Variants in ANKRD26 observed in about 807,000 individuals in gnomAD.
The protein encoded by ANKRD26 is ankyrin repeat domain 26.
Under a neutral mutation model 208.7 loss-of-function variants are expected in ANKRD26, and 141 were observed. That is an observed-to-expected ratio of 0.68 (90% CI 0.59 to 0.78). The LOEUF (loss-of-function observed/expected upper bound fraction) is 0.78. Among genes scored for constraint, ANKRD26 ranks in the 30% least tolerant of loss-of-function variants. ANKRD26 has a pLI of 0.00. For missense variants in ANKRD26, 1,889 were observed against 1,938.7 expected, an observed-to-expected ratio of 0.97 and a Z score of 0.48; for synonymous variants, 636 against 660.4, an observed-to-expected ratio of 0.96 and a Z score of 0.57.
chr10:26,951,005 TTTC>T, the ANKRD26 span, among the ~76,000 whole-genome samples: 6 of 112,448 alleles, frequency 5.3e-5, no homozygotes, highest in Non-Finnish European at 1.2e-4. Context: ...TCTTTTTTCT[TTTC>T]TTTTCTTTTT....
chr10:26,975,979 G>A (rs908384174), exon 6 of ANKRD26, among the ~76,000 whole-genome samples: 2 of 151,982 alleles, frequency 1.3e-5, no homozygotes, highest in Non-Finnish European at 2.9e-5. Flanking sequence ...CTGGAAAATT[G>A]CATCCTATTC....
At chr10:27,098,796 G>A (rs1168729139) in intron 1 of ANKRD26, among the ~76,000 whole-genome samples, 1 of 152,084 alleles carries the variant, frequency 6.6e-6, no homozygotes, top group East Asian at 1.9e-4. Flanking sequence ...TGATCCGCCC[G>A]CCTCGGCCTC....
chr10:27,061,557 CTA>C (rs1564402064), intron 12 of ANKRD26, among the ~76,000 whole-genome samples: 1 of 107,850 alleles, frequency 9.3e-6, no homozygotes, highest in East Asian at 3.5e-4. Flanking sequence ...AATGCAACAT[CTA>C]TTTTTTTTTT....
intron 15 of ANKRD26, among the ~76,000 whole-genome samples, chr10:27,057,230 G>A (rs1443528264): frequency 6.6e-6 from 1 of 152,098 alleles, no homozygotes; most frequent in Non-Finnish European, 1.5e-5. Flanking sequence ...ACTCCTCCAT[G>A]GTGAATTGTA....
Position 27,048,893 on chromosome 10 carries a change from A to T in ANKRD26, c.1722T>A (p.Asp574Glu). ...IHDGATDDAE[D>E]DDDDDGLIQK... ...GAATTAATCCATCATCATCATCATCATCTTCAGCATCATCAGTAGCACCAT... is the reference window on the plus strand; with the variant it reads ...GAATTAATCCATCATCATCATCATCTTCTTCAGCATCATCAGTAGCACCAT... The change falls in exon 17 of 34, where the codon GAT becomes GAA. Residue 574 changes from aspartate to glutamate, a missense_variant. Asp to Glu is a conservative substitution (Grantham distance 45). Coordinates refer to ENST00000376087, the MANE Select transcript of ANKRD26 (RefSeq NM_014915.3). 1 of 1,612,008 alleles carries T rather than the reference A, an allele frequency of 6.2e-7. No homozygotes were observed. The highest frequency in any genetic ancestry group is 8.5e-7 in the Non-Finnish European group (1 of 1,178,784).
At chr10:27,073,593 T>C (rs1327187702) in intron 9 of ANKRD26, among the ~76,000 whole-genome samples, 4 of 152,196 alleles carry the variant, frequency 2.6e-5, no homozygotes, top group African/African-American at 7.2e-5. Flanking sequence ...CCTGCCACAT[T>C]TGTCAAGGCC....
intron 22 of ANKRD26, 42 bp downstream of exon 22, chr10:27,037,826 GAAA>G: frequency 7.0e-7 from 1 of 1,428,298 alleles, no homozygotes. Context: ...TAATAGTGAT[GAAA>G]TAAAGTTAAA....
At chr10:27,043,618 C>G in intron 19 of ANKRD26, 51 bp from the exon 20 acceptor site, 2 of 1,543,534 alleles carry the variant, frequency 1.3e-6, no homozygotes, top group Admixed American at 3.4e-5. Context: ...ATTTATAGCA[C>G]ATACAGAAGT....
chr10:27,061,766 T>C (rs2135453154), intron 12 of ANKRD26, among the ~76,000 whole-genome samples: 1 of 152,092 alleles, frequency 6.6e-6, no homozygotes, highest in East Asian at 1.9e-4. Context: ...AGTCTTGCCA[T>C]GTTGCCCAGG....
chr10:26,948,785 C>T, the ANKRD26 span, among the ~76,000 whole-genome samples: 1 of 152,068 alleles, frequency 6.6e-6, no homozygotes, highest in Non-Finnish European at 1.5e-5. Flanking sequence ...GTCAGAAGTT[C>T]AAGACTAGCC....
At chr10:26,996,305 T>G (rs2052590742) in intron 4 of ANKRD26, among the ~76,000 whole-genome samples, 1 of 152,186 alleles carries the variant, frequency 6.6e-6, no homozygotes, top group African/African-American at 2.4e-5. Context: ...CTCATGCCTG[T>G]AATCCCAGCA....
rs2053999890 is a variant in ANKRD26 at position 27,035,104 on chromosome 10, G to T, written c.3346C>A (p.Gln1116Lys). Residue 1116 changes from glutamine to lysine, a missense_variant, in exon 24 of 34, where the codon CAA (glutamine) becomes AAA (lysine). By Grantham distance (53) the Gln-to-Lys change is moderately conservative. Around this residue, in one of 3 missense-constraint regions of ANKRD26, gnomAD observed 613 missense variants for 648.2 expected, o/e 0.95. Transcript: ENST00000376087. ...CQMKEMEQKY[Q>K]NEQVKVNKYI... ...TTATTCACTTTAACTTGTTCATTTT[G>T]ATACTTTTGTTCCATTTCCTTCATT... The T allele has an allele frequency of 6.2e-7, 1 of 1,612,608 alleles. No homozygotes were observed. Among genetic ancestry groups the T allele is most frequent in the East Asian group, 2.2e-5 (1 of 44,846 alleles).
At chr10:27,046,566 GA>G (rs747402978) in intron 17 of ANKRD26, 43 bp from the exon 18 acceptor site, 1 of 1,569,118 alleles carries the variant, frequency 6.4e-7, no homozygotes, top group Non-Finnish European at 8.7e-7. Context: ...TAAGAAAAAA[GA>G]AAAAAAGAAA....
Position 27,035,868 on chromosome 10 carries a change from T to C in ANKRD26, c.2698-116A>G, listed in dbSNP as rs2054026035. On this transcript the variant is annotated intron_variant, in intron 23 of 33. Transcript: ENST00000376087. ...ACAATAAAGGGTTGCAATAAGTGTA[T>C]ATCCAATTGAAAAAAAAAAAGTTGG... 9.0e-6 allele frequency: 7 copies of C among 780,948 alleles called. No homozygotes were observed. The South Asian group carries it at 9.0e-5, about 10-fold the overall frequency. 48.4% of individuals were successfully genotyped at this position (780,948 alleles called of 1,614,324 possible).
exon 6 of ANKRD26, among the ~76,000 whole-genome samples, chr10:26,975,311 C>G (rs2052208466): frequency 6.6e-6 from 1 of 151,774 alleles, no homozygotes; most frequent in Admixed American, 6.6e-5. Flanking sequence ...TCACTGAAGC[C>G]TTGAACTCCT....
chr10:27,046,581 C>T, intron 17 of ANKRD26, 58 bp from the exon 18 acceptor site: 3 of 1,529,160 alleles, frequency 2.0e-6, no homozygotes, highest in Non-Finnish European at 2.7e-6. Context: ...AAAGAAACAA[C>T]ATGCAGAAAG....
chr10:27,010,155 AT>A (rs1564351334), intron 32 of ANKRD26, among the ~76,000 whole-genome samples: 2 of 152,170 alleles, frequency 1.3e-5, no homozygotes, highest in Admixed American at 6.6e-5. Context: ...TTTCAAAAAA[AT>A]TTTTTTAATG....
chr10:26,962,443 C>T, the ANKRD26 span, among the ~76,000 whole-genome samples: 8 of 152,052 alleles, frequency 5.3e-5, no homozygotes, highest in East Asian at 5.8e-4. Context: ...GGCGTGGTGG[C>T]GGGTGCCTGT....
At chr10:27,029,430 C>T in intron 25 of ANKRD26, 74 bp from the exon 26 acceptor site, 1 of 1,423,476 alleles carries the variant, frequency 7.0e-7, no homozygotes. Context: ...GTTTTTGTAA[C>T]TAAACCTTAT....
Sources: allele counts gnomAD v4.1 joint callset (sites outside exome capture counted in the v4.1 genomes callset), GRCh38; gene constraint gnomAD v4.1.1; regional missense constraint gnomAD v4.1.1; transcripts MANE v1.5; gene names NCBI Gene and HGNC (gene_info 2026-07-23, HGNC 2026-07-21).